CORO2B: variants seen among roughly 807,000 people sequenced by gnomAD.
The protein encoded by CORO2B is coronin 2B, also known as coronin-2B.
In CORO2B, 26 loss-of-function variants were observed where a neutral mutation model predicts 58.8. The ratio of observed to expected loss-of-function variants is 0.44; its 90% CI spans 0.32 to 0.61. CORO2B has a LOEUF of 0.61. Ranked by LOEUF, CORO2B falls within the 20% of genes least tolerant of loss-of-function variation. The pLI, the probability that CORO2B is intolerant of heterozygous loss-of-function variation, is 0.04. For synonymous variants in CORO2B, 242 were observed against 253.8 expected (o/e 0.95, Z 0.44); for missense variants, 460 against 645.1 (o/e 0.71, Z 3.11).
In CORO2B at chr15:68,719,206, G is replaced by T; in HGVS notation, c.1143G>T (p.Pro381=). Reference sequence around the variant, plus strand: ...CAGGCACGGAGCCAGCACTGACCCCGGATGAATGGCTGGGAGGCATCAACC... The same window carrying T: ...CAGGCACGGAGCCAGCACTGACCCCTGATGAATGGCTGGGAGGCATCAACC... ...MTPGTEPALT[P]DEWLGGINRD... is the part of the protein sequence containing the mutation. The change falls in exon 10 of 12, where the codon CCG becomes CCT. Residue 381 remains proline, a synonymous_variant. Transcript: ENST00000261861. The T allele has an allele frequency of 6.2e-7, 1 of 1,614,036 alleles. No individual in the cohort carries two copies. Among genetic ancestry groups the T allele is most frequent in the Non-Finnish European group, 8.5e-7 (1 of 1,179,990 alleles).
At chr15:68,588,616 TC>T (rs1333638723) in intron 1 of CORO2B, among the ~76,000 whole-genome samples, 5 of 152,126 alleles carry the variant, frequency 3.3e-5, no homozygotes, top group African/African-American at 1.2e-4. Context: ...TCCAGATACC[TC>T]CCGATGCCCC....
chr15:68,718,935 A>G (rs1893096096), intron 9 of CORO2B, 125 bp downstream of exon 9: 1 of 916,110 alleles, frequency 1.1e-6, no homozygotes, highest in East Asian at 2.6e-5. Context: ...CTTCAAACCT[A>G]ATTTGGGGTG....
intron 1 of CORO2B, among the ~76,000 whole-genome samples, chr15:68,642,477 T>C (rs1423635073): frequency 2.6e-5 from 4 of 152,154 alleles, no homozygotes; most frequent in African/African-American, 9.7e-5. Context: ...TGCCATCCCT[T>C]TGGCTCCCTG....
chr15:68,603,713 C>T (rs556808706), intron 1 of CORO2B, among the ~76,000 whole-genome samples: 43 of 152,262 alleles, frequency 2.8e-4, no homozygotes, highest in South Asian at 1.5e-3. Context: ...AGCAAGAAGA[C>T]GGCCGTCTGC....
chr15:68,646,460 C>T (rs769814283), intron 2 of CORO2B, among the ~76,000 whole-genome samples: 1 of 152,142 alleles, frequency 6.6e-6, no homozygotes, highest in Non-Finnish European at 1.5e-5. Flanking sequence ...ATGGATTTTT[C>T]CAGTCTCTCC....
chr15:68,521,975 T>C, the CORO2B span, among the ~76,000 whole-genome samples: 1 of 152,128 alleles, frequency 6.6e-6, no homozygotes, highest in African/African-American at 2.4e-5. Context: ...ACCCGGCTAA[T>C]TTGTAAAATT....
chr15:68,570,132 G>T, the CORO2B span, among the ~76,000 whole-genome samples: 5 of 152,204 alleles, frequency 3.3e-5, no homozygotes, highest in African/African-American at 1.2e-4. Flanking sequence ...AGATGACTAG[G>T]TGGCATGGTA....
intron 2 of CORO2B, among the ~76,000 whole-genome samples, chr15:68,647,655 C>T (rs904509606): frequency 2.5e-4 from 36 of 144,952 alleles, no homozygotes; most frequent in African/African-American, 7.2e-4. Flanking sequence ...TGCCATTGCA[C>T]TCCAGCCTGG....
the CORO2B span, among the ~76,000 whole-genome samples, chr15:68,521,906 GA>G: frequency 6.6e-6 from 1 of 151,894 alleles, no homozygotes; most frequent in South Asian, 2.1e-4. Context: ...CGTCTCCAAT[GA>G]AAAAAATACG....
chr15:68,543,823 C>T, the CORO2B span, among the ~76,000 whole-genome samples: 2 of 152,132 alleles, frequency 1.3e-5, no homozygotes, highest in South Asian at 2.1e-4. Context: ...ACCCTCCTGA[C>T]GCACACTGCG....
At chr15:68,579,779 A>T (rs930149717) in intron 1 of CORO2B, among the ~76,000 whole-genome samples, 1 of 152,218 alleles carries the variant, frequency 6.6e-6, no homozygotes, top group African/African-American at 2.4e-5. Flanking sequence ...CACTCTGTGC[A>T]GAAGGCGCTG....
chr15:68,636,550 G>A lies in CORO2B; in HGVS notation c.16-8610G>A, dbSNP rs1437185527. Among the ~76,000 whole-genome samples the A allele has an allele frequency of 2.0e-5, 3 of 152,214 alleles. No homozygotes were observed. The East Asian group carries it at 5.8e-4, about 29-fold the overall frequency. On this transcript the variant is annotated intron_variant, in intron 1 of 11. Coordinates refer to ENST00000261861, the MANE Select transcript of CORO2B (RefSeq NM_006091.5). ...TGAGGGAGGCAGGACAGAGCTGGGT[G>A]GCGAGGAGGAATTCCAATTTCCTGG...
chr15:68,693,652 C>A (rs1032175163), intron 2 of CORO2B, among the ~76,000 whole-genome samples: 1 of 152,212 alleles, frequency 6.6e-6, no homozygotes, highest in East Asian at 1.9e-4. Flanking sequence ...CCCATCCACG[C>A]CCCTTGTTCC....
rs1049417031 is a variant in CORO2B, at chr15:68,727,679, C to T, written c.*1705C>T. The T allele has an allele frequency of 6.6e-6, 1 of 152,608 alleles. No individual in the cohort carries two copies. Among genetic ancestry groups the T allele is most frequent in the Admixed American group, 6.5e-5 (1 of 15,282 alleles). 9.5% of individuals were successfully genotyped at this position (152,608 alleles called of 1,614,324 possible). ...ACCCCACAGCTAGACAGTGTCAGCA[C>T]TCATCTCCTCCTCCCACATTTCTGG... is the stretch of plus-strand genomic sequence containing the variant. On this transcript the variant is annotated 3_prime_UTR_variant, in exon 12 of 12. Coordinates refer to ENST00000261861, the MANE Select transcript of CORO2B (RefSeq NM_006091.5).
At position 68,645,419 on chromosome 15, in the gene CORO2B, G is replaced by T. The variant is rs1233361523; in HGVS notation, c.216+59G>T. The T allele has an allele frequency of 3.9e-6, 6 of 1,550,014 alleles. No individual in the cohort carries two copies. The highest frequency in any genetic ancestry group is 4.4e-6 in the Non-Finnish European group (5 of 1,137,342). ...TCCAGGGCAGAGAGGAGCCCTCCTT[G>T]GTCTCTCTTAGGCCTGTTGACCCTA... On this transcript the variant is annotated intron_variant, in intron 2 of 11. Transcript: ENST00000261861. The surrounding 1 kb of genome is among the most constrained non-coding windows in gnomAD (Gnocchi z 4.5).
intron 11 of CORO2B, among the ~76,000 whole-genome samples, chr15:68,724,669 A>G (rs1893249830): frequency 6.6e-6 from 1 of 152,256 alleles, no homozygotes; most frequent in South Asian, 2.1e-4. Flanking sequence ...TATAGAAACA[A>G]CAACTCTCTT....
the CORO2B span, among the ~76,000 whole-genome samples, chr15:68,550,004 A>G: frequency 7.6e-6 from 1 of 131,664 alleles, no homozygotes. Context: ...GACCGTGGGC[A>G]AGTTACTTAG....
chr15:68,710,665 G>A lies in CORO2B; in HGVS notation c.334-67G>A, dbSNP rs1892892056. On this transcript the variant is annotated intron_variant, in intron 3 of 11. Transcript: ENST00000261861. This position sits in a 1 kb window ranked among gnomAD's most constrained non-coding sequence, Gnocchi z 4.1. Reference sequence around the variant, plus strand: ...CAGAAAGCCTGGTGTCCGAGGAAAGGGGCACCTCTCATCAAGGGACTTCTT... The same window carrying A: ...CAGAAAGCCTGGTGTCCGAGGAAAGAGGCACCTCTCATCAAGGGACTTCTT... 1 of 1,439,270 alleles carries A rather than the reference G, an allele frequency of 6.9e-7. No individual in the cohort carries two copies. Among genetic ancestry groups the A allele is most frequent in the Non-Finnish European group, 9.2e-7 (1 of 1,088,222 alleles). The allele number at this position is 1,439,270 out of a possible 1,614,324, so 89.2% of individuals were successfully genotyped here. A position where few individuals can be genotyped will look rare whatever the true frequency, so the allele number is the denominator to read the frequency against.
chr15:68,547,111 T>A, the CORO2B span, among the ~76,000 whole-genome samples: 1 of 151,924 alleles, frequency 6.6e-6, no homozygotes, highest in Non-Finnish European at 1.5e-5. Flanking sequence ...AAGAATGAGG[T>A]AAATGCAAAT....
Sources: allele counts gnomAD v4.1 joint callset (sites outside exome capture counted in the v4.1 genomes callset), GRCh38; gene constraint gnomAD v4.1.1; non-coding constraint Gnocchi (gnomAD v3.1); transcripts MANE v1.5; gene names NCBI Gene and HGNC (gene_info 2026-07-23, HGNC 2026-07-21).